The following ROBO1 variants were observed in gnomAD, a reference collection of about 807,000 sequenced individuals.
ROBO1 encodes roundabout homolog 1.
In ROBO1, 149 loss-of-function variants were observed where a neutral mutation model predicts 195.9. The ratio of observed to expected loss-of-function variants is 0.76; its 90% CI spans 0.67 to 0.87. The LOEUF is 0.87. Among genes scored for constraint, ROBO1 ranks in the 40% least tolerant of loss-of-function variants. ROBO1 has a pLI of 0.00. For synonymous variants in ROBO1, 816 were observed against 733.2 expected (o/e 1.11, Z -1.82); for missense variants, 1,933 against 2,068.3 (o/e 0.93, Z 1.27).
chr3:79,753,170 G>T (rs1704211882), intron 1 of ROBO1, among the ~76,000 whole-genome samples: 1 of 151,994 alleles, frequency 6.6e-6, no homozygotes, highest in Non-Finnish European at 1.5e-5. Flanking sequence ...TAGACCTGTG[G>T]TTCTCAACTT....
intron 7 of ROBO1, among the ~76,000 whole-genome samples, chr3:78,715,410 A>T (rs1010292966): frequency 6.6e-6 from 1 of 152,256 alleles, no homozygotes; most frequent in Non-Finnish European, 1.5e-5. Context: ...CCCTGTCTCT[A>T]TCTCACCTCT....
chr3:78,875,545 A>G (rs934931869), intron 4 of ROBO1, among the ~76,000 whole-genome samples: 3 of 151,962 alleles, frequency 2.0e-5, no homozygotes, highest in Non-Finnish European at 4.4e-5. Context: ...AAGCTAGAAT[A>G]GAAAAAAAAA....
At chr3:78,819,830 C>T (rs971749103) in intron 4 of ROBO1, among the ~76,000 whole-genome samples, 2 of 152,132 alleles carry the variant, frequency 1.3e-5, no homozygotes, top group Non-Finnish European at 2.9e-5. Context: ...ACACAACACA[C>T]ATAGACACAC....
intron 2 of ROBO1, among the ~76,000 whole-genome samples, chr3:79,156,191 C>T (rs1000446897): frequency 6.6e-6 from 1 of 151,356 alleles, no homozygotes; most frequent in Non-Finnish European, 1.5e-5. Context: ...CTTTCCTAAC[C>T]CCTCTTGGAA....
intron 1 of ROBO1, among the ~76,000 whole-genome samples, chr3:79,619,649 C>T (rs920015246): frequency 1.3e-5 from 2 of 152,120 alleles, no homozygotes; most frequent in African/African-American, 4.8e-5. Flanking sequence ...AGTCAGGGTA[C>T]ATGTGCCTTT....
At chr3:78,955,030 T>C (rs549117220) in intron 3 of ROBO1, among the ~76,000 whole-genome samples, 12 of 151,696 alleles carry the variant, frequency 7.9e-5, no homozygotes, top group Non-Finnish European at 1.3e-4. Flanking sequence ...CATGGGGTTA[T>C]ACAGGTAAAC....
intron 1 of ROBO1, among the ~76,000 whole-genome samples, chr3:79,682,359 A>G (rs1262524177): frequency 2.0e-5 from 3 of 151,828 alleles, no homozygotes; most frequent in Non-Finnish European, 4.4e-5. Context: ...ATGACTTCCA[A>G]AAAAGCAAAG....
intron 20 of ROBO1, 110 bp downstream of exon 20, chr3:78,647,519 A>T: frequency 9.7e-7 from 1 of 1,035,310 alleles, no homozygotes; most frequent in Non-Finnish European, 1.5e-6. Flanking sequence ...ATTCCACTTT[A>T]AGTTCTTTCC....
intron 2 of ROBO1, among the ~76,000 whole-genome samples, chr3:79,406,369 C>T (rs1316755507): frequency 4.0e-5 from 6 of 151,702 alleles, no homozygotes; most frequent in Admixed American, 6.6e-5. Context: ...GAGGTCAATG[C>T]TACAGTGAGC....
intron 4 of ROBO1, among the ~76,000 whole-genome samples, chr3:78,923,574 T>C (rs1284595911): frequency 6.6e-6 from 1 of 151,986 alleles, no homozygotes; most frequent in Non-Finnish European, 1.5e-5. Flanking sequence ...AAAATTGAAA[T>C]GCCGCTAAGG....
intron 3 of ROBO1, among the ~76,000 whole-genome samples, chr3:79,081,847 C>G (rs533632659): frequency 6.6e-6 from 1 of 151,982 alleles, no homozygotes; most frequent in Non-Finnish European, 1.5e-5. Context: ...TTTGATGCAA[C>G]GTCAAGAAAA....
chr3:78,864,046 C>G (rs1050717130), intron 4 of ROBO1, among the ~76,000 whole-genome samples: 2 of 152,184 alleles, frequency 1.3e-5, no homozygotes, highest in African/African-American at 4.8e-5. Flanking sequence ...TTGCTGCTTT[C>G]TATGCTATTT....
At position 79,146,838 on chromosome 3, in the gene ROBO1, A is replaced by T. The variant is rs112344334; in HGVS notation, c.89-21299T>A. On this transcript the variant is annotated intron_variant, in intron 2 of 30. Transcript: ENST00000464233. ...CTGATTATTTAACAGGAGAAAAAGC[A>T]AAGAAGTGGCCAGTTTTCTTGAATG... is the stretch of plus-strand genomic sequence containing the variant. 5.9e-5 allele frequency among the ~76,000 whole-genome samples: 9 copies of T among 152,104 alleles called. 1 individual carries two copies. Among genetic ancestry groups the T allele is most frequent in the African/African-American group, 2.2e-4 (9 of 41,550 alleles).
chr3:78,649,435 G>A (rs1706508916), intron 19 of ROBO1, among the ~76,000 whole-genome samples: 1 of 152,102 alleles, frequency 6.6e-6, no homozygotes, highest in Admixed American at 6.6e-5. Flanking sequence ...TGTGGACAGG[G>A]GGTACCCAGC....
intron 3 of ROBO1, among the ~76,000 whole-genome samples, chr3:79,097,022 G>A (rs555464059): frequency 6.6e-5 from 10 of 151,636 alleles, no homozygotes; most frequent in Admixed American, 1.3e-4. Context: ...TTTTAAAAAT[G>A]AAGGTCAATT....
intron 2 of ROBO1, among the ~76,000 whole-genome samples, chr3:79,390,502 G>C (rs2036908782): frequency 6.6e-6 from 1 of 152,188 alleles, no homozygotes; most frequent in Non-Finnish European, 1.5e-5. Context: ...TTAAAGAATA[G>C]CTGACAAGGT....
intron 1 of ROBO1, among the ~76,000 whole-genome samples, chr3:79,710,012 A>C (rs1191488198): frequency 6.6e-6 from 1 of 152,180 alleles, no homozygotes; most frequent in East Asian, 1.9e-4. Flanking sequence ...TAAGCCACCC[A>C]GTCTATGAAA....
intron 3 of ROBO1, among the ~76,000 whole-genome samples, chr3:78,964,901 C>A (rs1308819056): frequency 6.8e-6 from 1 of 146,012 alleles, no homozygotes; most frequent in East Asian, 2.0e-4. Flanking sequence ...CCAGGCTGGT[C>A]TCAAACCCCT....
chr3:78,606,676 G>A, intron 29 of ROBO1, 57 bp downstream of exon 29: 3 of 1,549,294 alleles, frequency 1.9e-6, no homozygotes, highest in Middle Eastern at 1.8e-4. Context: ...GAGCCTAACT[G>A]TATGCCTTGC....
Sources: allele counts gnomAD v4.1 joint callset (sites outside exome capture counted in the v4.1 genomes callset), GRCh38; gene constraint gnomAD v4.1.1; transcripts MANE v1.5; gene names NCBI Gene and HGNC (gene_info 2026-07-23, HGNC 2026-07-21).